Variants in STX1B observed in about 807,000 individuals in gnomAD.
STX1B encodes syntaxin-1B.
STX1B carries 7 observed loss-of-function variants against 39.4 expected under a neutral mutation model. The observed-to-expected ratio is 0.18, with a 90% CI of 0.10 to 0.33. The LOEUF (loss-of-function observed/expected upper bound fraction) is 0.33. Among genes scored for constraint, STX1B ranks in the 10% least tolerant of loss-of-function variants. The probability of loss-of-function intolerance (pLI) is 1.00; values close to 1 mark genes in which losing one functional copy is unlikely to be tolerated. For missense variants in STX1B, 198 were observed against 383.2 expected (o/e 0.52, Z 4.04); for synonymous variants, 136 against 144.1 (o/e 0.94, Z 0.40).
chr16:31,001,754 G>C lies in STX1B; in HGVS notation c.31-151C>G, dbSNP rs1040583260. On this transcript the variant is annotated intron_variant, in intron 1 of 9. Transcript: ENST00000215095. The surrounding 1 kb of genome is among the most constrained non-coding windows in gnomAD (Gnocchi z 5.5). Reference sequence around the variant, plus strand: ...GGGTCCTGGGAGGGGTCCCATGCAGGGTAGATGGCAAAGGCACCAAAAGTG... The same window carrying C: ...GGGTCCTGGGAGGGGTCCCATGCAGCGTAGATGGCAAAGGCACCAAAAGTG... 3 of 607,752 alleles carry C rather than the reference G, an allele frequency of 4.9e-6. No homozygotes were observed. The highest frequency in any genetic ancestry group is 3.7e-5 in the African/African-American group (2 of 53,536). The allele number at this position is 607,752 out of a possible 1,614,324, so 37.6% of individuals were successfully genotyped here. A position where few individuals can be genotyped will look rare whatever the true frequency, so the allele number is the denominator to read the frequency against.
chr16:30,997,032 C>T lies in STX1B; in HGVS notation c.382G>A (p.Glu128Lys). Reference protein sequence around the residue: ...QHSTLSRKFVEVMTEYNATQS... With the variant: ...QHSTLSRKFVKVMTEYNATQS... ...GTCGCGTTATATTCGGTCATTACCT[C>T]CACGAACTTCCGGGACAGTGTGGAG... The change falls in exon 6 of 10, where the codon GAG becomes AAG. Residue 128 changes from glutamate to lysine, a missense_variant. Coordinates refer to ENST00000215095, the MANE Select transcript of STX1B (RefSeq NM_052874.5). The T allele has an allele frequency of 6.2e-7, 1 of 1,613,152 alleles. No homozygotes were observed. The highest frequency in any genetic ancestry group is 8.5e-7 in the Non-Finnish European group (1 of 1,179,768).
chr16:31,006,063 G>A (rs1053738784), intron 1 of STX1B, among the ~76,000 whole-genome samples: 2 of 152,310 alleles, frequency 1.3e-5, no homozygotes, highest in African/African-American at 2.4e-5. Context: ...ACACAGAGGC[G>A]GCAAGAGACT....
In STX1B at chr16:31,001,071, C is replaced by T; in HGVS notation, c.205+23G>A. On this transcript the variant is annotated intron_variant, in intron 3 of 9. Coordinates refer to ENST00000215095, the MANE Select transcript of STX1B (RefSeq NM_052874.5). This position sits in a 1 kb window ranked among gnomAD's most constrained non-coding sequence, Gnocchi z 5.5. Reference sequence around the variant, plus strand: ...CCAGGCCCCTTCTCCTCCCACCCCACAGTCACCGGCAGCCACACTCACTCT... The same window carrying T: ...CCAGGCCCCTTCTCCTCCCACCCCATAGTCACCGGCAGCCACACTCACTCT... The T allele has an allele frequency of 6.2e-7, 1 of 1,614,084 alleles. No individual in the cohort carries two copies. Among genetic ancestry groups the T allele is most frequent in the Non-Finnish European group, 8.5e-7 (1 of 1,179,906 alleles).
intron 9 of STX1B, 42 bp downstream of exon 9, chr16:30,993,088 T>C (rs780898480): frequency 1.1e-5 from 18 of 1,590,248 alleles, no homozygotes; most frequent in Non-Finnish European, 1.7e-6. Flanking sequence ...GGGCTCAGCC[T>C]TGGGCTCCCC....
chr16:31,009,418 G>T (rs2056669989), intron 1 of STX1B, among the ~76,000 whole-genome samples: 1 of 151,988 alleles, frequency 6.6e-6, no homozygotes, highest in Non-Finnish European at 1.5e-5. Context: ...CTCAGCCGGG[G>T]CCGGTACCCT....
intron 1 of STX1B, among the ~76,000 whole-genome samples, chr16:31,006,231 C>T (rs2056654512): frequency 6.6e-6 from 1 of 152,232 alleles, no homozygotes; most frequent in East Asian, 1.9e-4. Flanking sequence ...CCCCCTGCGC[C>T]CTTTCCCCCA....
chr16:30,998,399 C>T (rs982709255), intron 4 of STX1B, among the ~76,000 whole-genome samples: 17 of 152,218 alleles, frequency 1.1e-4, no homozygotes, highest in African/African-American at 4.1e-4. Flanking sequence ...CGGATGGCAC[C>T]CCAAGGCTCC....
rs2056567090 is a variant in STX1B, at chr16:30,992,650, G to GGC, written c.*170_*171insGC. On this transcript the variant is annotated 3_prime_UTR_variant, in exon 10 of 10. Transcript: ENST00000215095. ...GATCTACGTGCGGGGACGGGGGGGG[G>GGC]GTCCATGGCCCGGTGAGGTCCAGGG... 9.6e-6 allele frequency: 5 copies of GGC among 520,104 alleles called. No homozygotes were observed. The highest frequency in any genetic ancestry group is 2.6e-5 in the South Asian group (1 of 38,802). The allele number at this position is 520,104 out of a possible 1,614,324, so 32.2% of individuals were successfully genotyped here. A position where few individuals can be genotyped will look rare whatever the true frequency, so the allele number is the denominator to read the frequency against.
chr16:31,002,649 C>A (rs58115648), intron 1 of STX1B, among the ~76,000 whole-genome samples: 5,958 of 152,252 alleles, frequency 0.039, 382 homozygotes, highest in African/African-American at 0.14. Context: ...GGGGAGGTGC[C>A]CTGTGCTACA....
rs777594824 is a variant in STX1B, at chr16:30,997,584, G to A, written c.281-9C>T. The A allele has an allele frequency of 5.9e-5, 95 of 1,604,266 alleles. No individual in the cohort carries two copies. The highest frequency in any genetic ancestry group is 7.7e-6 in the Non-Finnish European group (9 of 1,176,370). ...AATGCTTTGCTCGATCGCTGCGGGAGAGAGGGCGCAGCGATGGGCGGGAGA... is the reference window on the plus strand; with the variant it reads ...AATGCTTTGCTCGATCGCTGCGGGAAAGAGGGCGCAGCGATGGGCGGGAGA... On this transcript the variant is annotated splice_polypyrimidine_tract_variant and intron_variant, in intron 4 of 9. Transcript: ENST00000215095.
At chr16:30,993,038 G>C (rs1438414256) in intron 9 of STX1B, 92 bp downstream of exon 9, 1 of 1,398,204 alleles carries the variant, frequency 7.2e-7, no homozygotes, top group South Asian at 1.2e-5. Context: ...CAGAGCCAGA[G>C]ATAAGGCCTC....
chr16:31,003,414 C>A (rs2056641360), intron 1 of STX1B, among the ~76,000 whole-genome samples: 1 of 152,134 alleles, frequency 6.6e-6, no homozygotes, highest in African/African-American at 2.4e-5. Context: ...CCATGATGCT[C>A]TTCACTTTCT....
Position 30,991,693 on chromosome 16 carries a change from A to C in STX1B, c.*1128T>G, listed in dbSNP as rs1462751610. On this transcript the variant is annotated 3_prime_UTR_variant, in exon 10 of 10. Coordinates refer to ENST00000215095, the MANE Select transcript of STX1B (RefSeq NM_052874.5). The stretch of plus-strand genomic sequence containing the variant: ...AGACCAGCCTGGCCAACATGTCAAA[A>C]CCTCATCTCTACTAAAATTCTAAAA... 3 of 151,270 alleles carry C rather than the reference A, an allele frequency of 2.0e-5. No individual in the cohort carries two copies. Among genetic ancestry groups the C allele is most frequent in the African/African-American group, 7.3e-5 (3 of 41,062 alleles). The allele number at this position is 151,270 out of a possible 1,614,324, so 9.4% of individuals were successfully genotyped here.
In STX1B at chr16:31,001,393, G is replaced by A. The variant is rs1200311566; in HGVS notation, c.105+136C>T. 6 of 839,146 alleles carry A rather than the reference G, an allele frequency of 7.2e-6. No homozygotes were observed. Among genetic ancestry groups the A allele is most frequent in the Non-Finnish European group, 1.1e-5 (6 of 536,404 alleles). The allele number at this position is 839,146 out of a possible 1,614,324, so 52.0% of individuals were successfully genotyped here. A position where few individuals can be genotyped will look rare whatever the true frequency, so the allele number is the denominator to read the frequency against. ...GGGCTGGGTGCCGGGGCTGCGGCTGGGCGGTGGGACTAGGGGCTGGGGCTG... is the reference window on the plus strand; with the variant it reads ...GGGCTGGGTGCCGGGGCTGCGGCTGAGCGGTGGGACTAGGGGCTGGGGCTG... On this transcript the variant is annotated intron_variant, in intron 2 of 9. Transcript: ENST00000215095. The surrounding 1 kb of genome is among the most constrained non-coding windows in gnomAD (Gnocchi z 5.5).
At chr16:30,993,078 G>C (rs528134280) in intron 9 of STX1B, 52 bp downstream of exon 9, 1 of 1,562,014 alleles carries the variant, frequency 6.4e-7, no homozygotes, top group Non-Finnish European at 8.8e-7. Flanking sequence ...ACCTCAGCCC[G>C]GGCTCAGCCT....
Sources: gnomAD v4.1 joint callset for allele counts (sites outside exome capture counted in the v4.1 genomes callset) on GRCh38, gnomAD v4.1.1 for gene constraint, Gnocchi (gnomAD v3.1) non-coding constraint, MANE v1.5 for transcripts, NCBI Gene and HGNC (gene_info 2026-07-23, HGNC 2026-07-21) for gene names.